Variants in CNTNAP2 observed in about 807,000 individuals in gnomAD.
CNTNAP2 encodes the protein contactin-associated protein-like 2.
A neutral mutation model predicts 155.2 loss-of-function variants in CNTNAP2; 98 were observed. The ratio of observed to expected loss-of-function variants is 0.63; its 90% CI spans 0.54 to 0.75. CNTNAP2 has a LOEUF of 0.75. Among genes scored for constraint, CNTNAP2 ranks in the 30% least tolerant of loss-of-function variants. CNTNAP2 has a pLI of 0.00. For synonymous variants in CNTNAP2, 651 were observed against 631.2 expected, an observed-to-expected ratio of 1.03 and a Z score of -0.47; for missense variants, 1,727 against 1,688.1, an observed-to-expected ratio of 1.02 and a Z score of -0.40.
intron 1 of CNTNAP2, among the ~76,000 whole-genome samples, chr7:146,278,277 T>C (rs1563018916): frequency 2.0e-5 from 3 of 152,312 alleles, no homozygotes; most frequent in Non-Finnish European, 4.4e-5. Flanking sequence ...TTCTTCCCAA[T>C]CTTTTGACAA....
intron 5 of CNTNAP2, among the ~76,000 whole-genome samples, chr7:147,113,635 A>T (rs942849072): frequency 3.3e-5 from 5 of 152,126 alleles, no homozygotes; most frequent in African/African-American, 1.2e-4. Context: ...AATCACTATG[A>T]TGAGAACAGC....
At chr7:148,254,976 G>GA (rs895604603) in intron 20 of CNTNAP2, among the ~76,000 whole-genome samples, 13 of 151,838 alleles carry the variant, frequency 8.6e-5, no homozygotes, top group Non-Finnish European at 1.5e-4. Context: ...GCTCTTCAGG[G>GA]AAAAAATGCC....
intron 12 of CNTNAP2, among the ~76,000 whole-genome samples, chr7:147,569,981 A>G (rs1476191640): frequency 1.3e-5 from 2 of 152,110 alleles, no homozygotes; most frequent in African/African-American, 4.8e-5. Context: ...CTTATTGTCT[A>G]TTGGCCCCAG....
chr7:147,305,493 G>A (rs937815029), intron 9 of CNTNAP2, among the ~76,000 whole-genome samples: 1 of 152,142 alleles, frequency 6.6e-6, no homozygotes, highest in Non-Finnish European at 1.5e-5. Flanking sequence ...CGAACTTGCA[G>A]CATCCCATTC....
intron 1 of CNTNAP2, among the ~76,000 whole-genome samples, chr7:146,630,103 AG>A (rs1799486452): frequency 6.6e-6 from 1 of 151,798 alleles, no homozygotes; most frequent in South Asian, 2.1e-4. Context: ...TGTGTGCATT[AG>A]GTATTTGTCC....
At chr7:147,267,363 T>G (rs987052836) in intron 8 of CNTNAP2, among the ~76,000 whole-genome samples, 1 of 152,198 alleles carries the variant, frequency 6.6e-6, no homozygotes, top group Admixed American at 6.5e-5. Flanking sequence ...TGTCCAGTGG[T>G]TGAATGGCAA....
intron 12 of CNTNAP2, among the ~76,000 whole-genome samples, chr7:147,601,006 G>T (rs1373576806): frequency 6.6e-6 from 1 of 152,116 alleles, no homozygotes; most frequent in East Asian, 1.9e-4. Context: ...AACATTATTA[G>T]AAATGTAGAT....
intron 1 of CNTNAP2, among the ~76,000 whole-genome samples, chr7:146,577,722 T>C (rs1798546803): frequency 6.6e-6 from 1 of 152,060 alleles, no homozygotes. Flanking sequence ...TCATTAAAAA[T>C]GCACAAATTT....
chr7:146,721,264 C>CTCTATATTCTA (rs1476567452), intron 1 of CNTNAP2, among the ~76,000 whole-genome samples: 3 of 124,732 alleles, frequency 2.4e-5, no homozygotes, highest in African/African-American at 6.3e-5. Context: ...TATATACTCT[C>CTCTATATTCTA]TATATATTCT....
intron 16 of CNTNAP2, 42 bp from the exon 17 acceptor site, chr7:148,147,449 G>A (rs1473488824): frequency 6.3e-7 from 1 of 1,576,652 alleles, no homozygotes; most frequent in East Asian, 2.2e-5. Context: ...TTGGTATCTG[G>A]GAGAAAAATA....
intron 1 of CNTNAP2, among the ~76,000 whole-genome samples, chr7:146,359,907 T>A (rs747442012): frequency 6.6e-6 from 1 of 152,230 alleles, no homozygotes; most frequent in Non-Finnish European, 1.5e-5. Context: ...TCTTCCCTTT[T>A]AATCCAGAGT....
At chr7:147,836,231 A>C (rs73166233) in intron 13 of CNTNAP2, among the ~76,000 whole-genome samples, 2,284 of 152,328 alleles carry the variant, frequency 0.015, 32 homozygotes, top group South Asian at 0.03. Flanking sequence ...GTTAGGAATA[A>C]TTACACACGT....
chr7:147,123,839 A>G (rs947563264), intron 6 of CNTNAP2, among the ~76,000 whole-genome samples: 3 of 152,006 alleles, frequency 2.0e-5, no homozygotes, highest in Non-Finnish European at 4.4e-5. Context: ...TCAGGAGTTT[A>G]AGACCAGCCT....
At chr7:146,257,471 A>C (rs954849879) in intron 1 of CNTNAP2, among the ~76,000 whole-genome samples, 1 of 152,180 alleles carries the variant, frequency 6.6e-6, no homozygotes, top group Non-Finnish European at 1.5e-5. Context: ...TTGACTTTCC[A>C]TTTTCAAAAA....
In CNTNAP2 at chr7:147,169,811, C is replaced by A. The variant is rs145202600; in HGVS notation, c.1348+37302C>A. 3.8e-3 allele frequency among the ~76,000 whole-genome samples: 580 copies of A among 152,222 alleles called. 7 individuals are homozygous for A. Among genetic ancestry groups the A allele is most frequent in the African/African-American group, 0.013 (555 of 41,518 alleles). ...AAAGTTTGGGTCTTTCTTAAAATTTCTATTTTGCCTTTCAGCTCTTAAATG... is the reference window on the plus strand; with the variant it reads ...AAAGTTTGGGTCTTTCTTAAAATTTATATTTTGCCTTTCAGCTCTTAAATG... On this transcript the variant is annotated intron_variant, in intron 8 of 23. Coordinates refer to ENST00000361727, the MANE Select transcript of CNTNAP2 (RefSeq NM_014141.6).
chr7:148,245,856 T>G lies in CNTNAP2; in HGVS notation c.3381+16077T>G, dbSNP rs536971719. ...GGCCGGGTCACAAAAGAAGCGAATG[T>G]CCATCATCTCCCTTCACTTCCCCTG... On this transcript the variant is annotated intron_variant, in intron 20 of 23. Coordinates refer to ENST00000361727, the MANE Select transcript of CNTNAP2 (RefSeq NM_014141.6). Among the ~76,000 whole-genome samples the G allele has an allele frequency of 2.6e-5, 4 of 152,256 alleles. No individual in the cohort carries two copies. In the South Asian group the frequency reaches 8.3e-4, roughly 32 times the overall value.
intron 22 of CNTNAP2, among the ~76,000 whole-genome samples, chr7:148,385,076 T>C (rs1229772080): frequency 2.6e-5 from 4 of 152,212 alleles, no homozygotes; most frequent in African/African-American, 7.2e-5. Context: ...GCTTTAATCA[T>C]GTTCCGGCCC....
At chr7:146,647,546 A>G (rs972805192) in intron 1 of CNTNAP2, among the ~76,000 whole-genome samples, 1 of 152,182 alleles carries the variant, frequency 6.6e-6, no homozygotes, top group African/African-American at 2.4e-5. Flanking sequence ...TTGGAACAAA[A>G]TGTATTTAAA....
At chr7:148,143,670 C>A (rs191126385) in intron 16 of CNTNAP2, among the ~76,000 whole-genome samples, 12 of 152,170 alleles carry the variant, frequency 7.9e-5, no homozygotes, top group African/African-American at 2.9e-4. Flanking sequence ...CAGAACAAGA[C>A]CCTGTCTCAA....
Sources: allele counts gnomAD v4.1 joint callset (sites outside exome capture counted in the v4.1 genomes callset), GRCh38; gene constraint gnomAD v4.1.1; transcripts MANE v1.5; gene names NCBI Gene and HGNC (gene_info 2026-07-23, HGNC 2026-07-21).